Variants in MGA observed in about 807,000 individuals in gnomAD.
The protein encoded by MGA is MAX gene-associated protein.
In MGA, 40 loss-of-function variants were observed where a neutral mutation model predicts 261.1. The observed-to-expected ratio is 0.15, with a 90% CI of 0.12 to 0.20. The LOEUF (loss-of-function observed/expected upper bound fraction) is 0.20. MGA is among the 10% of genes least tolerant of loss of function. The probability of loss-of-function intolerance (pLI) is 1.00; values close to 1 mark genes in which losing one functional copy is unlikely to be tolerated. For synonymous variants in MGA, 1,302 were observed against 1,290.6 expected (o/e 1.01, Z -0.19); for missense variants, 3,397 against 3,630.5 (o/e 0.94, Z 1.65).
intron 17 of MGA, chr15:41,752,127 G>T: frequency 6.6e-6 from 1 of 152,108 alleles, no homozygotes; most frequent in East Asian, 1.9e-4. Flanking sequence ...CCACCTCTGG[G>T]GCTCAAGCAA....
intron 5 of MGA, among the ~76,000 whole-genome samples, chr15:41,704,780 C>T (rs534064003): frequency 2.0e-5 from 3 of 152,122 alleles, no homozygotes; most frequent in Non-Finnish European, 4.4e-5. Flanking sequence ...CTTGAGTGTA[C>T]TTTTGTATTT....
intron 1 of MGA, among the ~76,000 whole-genome samples, chr15:41,654,774 A>G (rs1424117799): frequency 6.6e-6 from 1 of 152,152 alleles, no homozygotes; most frequent in African/African-American, 2.4e-5. Flanking sequence ...TCCTCCTCCC[A>G]AAGTACTGGG....
intron 2 of MGA, among the ~76,000 whole-genome samples, chr15:41,670,864 T>A (rs1465733903): frequency 6.6e-6 from 1 of 152,252 alleles, no homozygotes; most frequent in African/African-American, 2.4e-5. Context: ...TTGGGCAATT[T>A]ATGGATTAGG....
At chr15:41,643,589 C>A (rs1436275912) in intron 1 of MGA, among the ~76,000 whole-genome samples, 1 of 151,722 alleles carries the variant, frequency 6.6e-6, no homozygotes, top group African/African-American at 2.4e-5. Context: ...TGTAGGAGTT[C>A]TTTTTATATT....
chr15:41,654,089 T>C (rs1233034464), intron 1 of MGA, among the ~76,000 whole-genome samples: 2 of 152,240 alleles, frequency 1.3e-5, no homozygotes, highest in African/African-American at 2.4e-5. Context: ...TCTTCTGTAT[T>C]GTTACTGATG....
intron 2 of MGA, among the ~76,000 whole-genome samples, chr15:41,682,928 A>G (rs879727803): frequency 2.0e-5 from 3 of 152,220 alleles, no homozygotes; most frequent in Non-Finnish European, 4.4e-5. Flanking sequence ...AAAATTACTT[A>G]CGATGAAAAG....
chr15:41,690,994 G>GTTTTTTTT (rs386382831), intron 2 of MGA, among the ~76,000 whole-genome samples: 3 of 104,344 alleles, frequency 2.9e-5, no homozygotes, highest in East Asian at 2.9e-4. Context: ...AGATTGCTTT[G>GTTTTTTTT]TTTTTTTTTT....
chr15:41,754,552 A>G lies in MGA; in HGVS notation c.7124A>G (p.Gln2375Arg), dbSNP rs1205582948. Residue 2375 changes from glutamine to arginine, a missense_variant, in exon 18 of 24, where the codon CAG becomes CGG. Gln to Arg is a conservative substitution (Grantham distance 43, BLOSUM62 1). Around this residue, in one of 9 missense-constraint regions of MGA, gnomAD observed 1,410 missense variants for 1,386.4 expected, o/e 1.02. Coordinates refer to ENST00000219905, the MANE Select transcript of MGA (RefSeq NM_001164273.2). ...CTGAAGACCACAGCGGCCCACACAC[A>G]GTCATTCAAACAGCCGTAAGTCTTA... 2.1e-5 allele frequency: 33 copies of G among 1,580,666 alleles called. No homozygotes were observed. Among genetic ancestry groups the G allele is most frequent in the Non-Finnish European group, 2.8e-5 (33 of 1,164,514 alleles).
At chr15:41,634,958 T>C (rs1472086633) in intron 1 of MGA, among the ~76,000 whole-genome samples, 6 of 152,108 alleles carry the variant, frequency 3.9e-5, no homozygotes, top group Non-Finnish European at 7.4e-5. Flanking sequence ...GTGATGAGAA[T>C]AGTTTGAAGT....
chr15:41,722,299 T>C (rs2060990784), intron 9 of MGA, among the ~76,000 whole-genome samples: 1 of 151,878 alleles, frequency 6.6e-6, no homozygotes, highest in Non-Finnish European at 1.5e-5. Context: ...CCGGCTAATT[T>C]TTTGTATTTT....
upstream of MGA, among the ~76,000 whole-genome samples, chr15:41,657,868 G>A (rs1038555670): frequency 6.6e-6 from 1 of 152,052 alleles, no homozygotes; most frequent in Non-Finnish European, 1.5e-5. Context: ...AATCAGAACC[G>A]AAAGGATTGG....
At chr15:41,704,609 G>A (rs1344461515) in intron 5 of MGA, among the ~76,000 whole-genome samples, 1 of 152,236 alleles carries the variant, frequency 6.6e-6, no homozygotes, top group Non-Finnish European at 1.5e-5. Context: ...AGTGAGTGGA[G>A]ATCGTGCCAC....
intron 19 of MGA, 82 bp downstream of exon 19, chr15:41,757,921 T>A: frequency 8.2e-7 from 1 of 1,214,994 alleles, no homozygotes; most frequent in Non-Finnish European, 1.2e-6. Flanking sequence ...ACATTAGCTA[T>A]ATTAGCCACG....
chr15:41,728,501 G>A (rs1198005595), intron 10 of MGA, among the ~76,000 whole-genome samples: 5 of 152,180 alleles, frequency 3.3e-5, no homozygotes, highest in African/African-American at 7.2e-5. Context: ...TTTGTTATAT[G>A]TAGTATATAC....
chr15:41,652,680 G>A (rs1208044805), intron 1 of MGA, among the ~76,000 whole-genome samples: 1 of 151,648 alleles, frequency 6.6e-6, no homozygotes, highest in African/African-American at 2.4e-5. Context: ...TTTCTATAGT[G>A]TTCCAGAGGT....
Position 41,768,178 on chromosome 15 carries a change from A to T in MGA, c.*898A>T, listed in dbSNP as rs1429515114. On this transcript the variant is annotated 3_prime_UTR_variant, in exon 24 of 24. Coordinates refer to ENST00000219905, the MANE Select transcript of MGA (RefSeq NM_001164273.2). ...ATGGGGCTGGAAATTTCCCAAATCA[A>T]ACCAGCCTCCTGGTGCTTGAAGGTT... The T allele has an allele frequency of 6.6e-6, 1 of 152,652 alleles. No individual in the cohort carries two copies. Among genetic ancestry groups the T allele is most frequent in the African/African-American group, 2.4e-5 (1 of 41,460 alleles). 9.5% of individuals were successfully genotyped at this position (152,652 alleles called of 1,614,324 possible).
In MGA at chr15:41,711,111, A is replaced by G; in HGVS notation, c.2846A>G (p.Asn949Ser). ...AATTCTTCAGGCATCATCTCAGAAAATCAGGCGAATAACTTTGTTGTGCCA... is the reference window on the plus strand; with the variant it reads ...AATTCTTCAGGCATCATCTCAGAAAGTCAGGCGAATAACTTTGTTGTGCCA... Residue 949 changes from asparagine to serine, a missense_variant, in exon 8 of 24, where the codon AAT becomes AGT. Coordinates refer to ENST00000219905, the MANE Select transcript of MGA (RefSeq NM_001164273.2). The G allele has an allele frequency of 1.9e-6, 3 of 1,614,066 alleles. No homozygotes were observed. The highest frequency in any genetic ancestry group is 2.5e-6 in the Non-Finnish European group (3 of 1,179,906).
intron 1 of MGA, chr15:41,621,457 G>A (rs2056278921): frequency 1.3e-5 from 2 of 152,386 alleles, no homozygotes; most frequent in Admixed American, 1.3e-4. Flanking sequence ...GTGATTAGCG[G>A]GTAGGGGCGG....
chr15:41,698,103 C>G (rs1007871291), intron 3 of MGA, among the ~76,000 whole-genome samples: 1 of 149,964 alleles, frequency 6.7e-6, no homozygotes, highest in Non-Finnish European at 1.5e-5. Flanking sequence ...ATCTCCTGGC[C>G]TCGTGATCCT....
Sources: gnomAD v4.1 joint callset for allele counts (sites outside exome capture counted in the v4.1 genomes callset) on GRCh38, gnomAD v4.1.1 for gene constraint, gnomAD v4.1.1 regional missense constraint, MANE v1.5 for transcripts, NCBI Gene and HGNC (gene_info 2026-07-23, HGNC 2026-07-21) for gene names.